STK32B: variants seen among roughly 807,000 people sequenced by gnomAD.
The protein encoded by STK32B is serine/threonine kinase 32B.
In STK32B, 43 loss-of-function variants were observed where a neutral mutation model predicts 52.6. The ratio of observed to expected loss-of-function variants is 0.82; its 90% confidence interval spans 0.64 to 1.05. The LOEUF is 1.05. Ranked by LOEUF, STK32B falls within the 50% of genes least tolerant of loss-of-function variation. The probability of loss-of-function intolerance (pLI) is 0.00; values close to 1 mark genes in which losing one functional copy is unlikely to be tolerated. For missense variants in STK32B, 621 were observed against 534.6 expected (o/e 1.16, Z -1.59); for synonymous variants, 238 against 204.3 (o/e 1.17, Z -1.41).
At chr4:5,445,088 C>T (rs1328012353) in intron 6 of STK32B, among the ~76,000 whole-genome samples, 6 of 152,192 alleles carry the variant, frequency 3.9e-5, no homozygotes, top group African/African-American at 2.4e-5. Context: ...CCTCTTCATA[C>T]TGCTGGCCCT....
chr4:5,477,208 T>TATC (rs1270465526), intron 11 of STK32B, among the ~76,000 whole-genome samples: 2 of 152,084 alleles, frequency 1.3e-5, no homozygotes, highest in Admixed American at 6.5e-5. Flanking sequence ...TGGCTATTAT[T>TATC]ATCAGTGAGG....
At chr4:5,191,880 C>T (rs1329871746) in intron 3 of STK32B, among the ~76,000 whole-genome samples, 2 of 152,220 alleles carry the variant, frequency 1.3e-5, no homozygotes, top group African/African-American at 4.8e-5. Flanking sequence ...TCCATATTAA[C>T]TACTGTGCTC....
At chr4:5,228,342 A>G (rs987421788) in intron 3 of STK32B, among the ~76,000 whole-genome samples, 2 of 152,304 alleles carry the variant, frequency 1.3e-5, no homozygotes, top group Middle Eastern at 3.4e-3. Flanking sequence ...CTATATGTCA[A>G]TATCATTGGA....
At chr4:5,032,800 C>T in the STK32B span, among the ~76,000 whole-genome samples, 51 of 152,296 alleles carry the variant, frequency 3.3e-4, no homozygotes, top group African/African-American at 8.4e-4. Flanking sequence ...CCCCACTCCT[C>T]GCTCCCTCCA....
chr4:5,367,644 C>G (rs1340822292), intron 4 of STK32B, among the ~76,000 whole-genome samples: 1 of 152,208 alleles, frequency 6.6e-6, no homozygotes, highest in Non-Finnish European at 1.5e-5. Context: ...CTGCTGAGTA[C>G]AGGTCAACTT....
At position 5,446,727 on chromosome 4, in the gene STK32B, T is replaced by A; in HGVS notation, c.617T>A (p.Val206Asp). ...AGAGGCCCCGGATACTCGTACCCTG[T>A]CGACTGGTGGTCCCTGGGCATCACA... ...MDRGPGYSYPVDWWSLGITAY... is the reference protein window; with the variant it reads ...MDRGPGYSYPDDWWSLGITAY... The change falls in exon 7 of 12, where the codon GTC becomes GAC. Residue 206 changes from valine to aspartate, a missense_variant. Val to Asp is a radical substitution (Grantham distance 152). Coordinates refer to ENST00000282908, the MANE Select transcript of STK32B (RefSeq NM_018401.3). The A allele has an allele frequency of 6.2e-7, 1 of 1,614,124 alleles. No homozygotes were observed. Among genetic ancestry groups the A allele is most frequent in the Non-Finnish European group, 8.5e-7 (1 of 1,180,020 alleles).
intron 3 of STK32B, among the ~76,000 whole-genome samples, chr4:5,325,826 G>A (rs986525970): frequency 3.3e-5 from 5 of 152,098 alleles, no homozygotes; most frequent in African/African-American, 1.2e-4. Flanking sequence ...ACTATTATGA[G>A]AATATAATTC....
At chr4:5,449,386 G>T (rs1026807903) in intron 7 of STK32B, among the ~76,000 whole-genome samples, 1 of 152,172 alleles carries the variant, frequency 6.6e-6, no homozygotes, top group Admixed American at 6.5e-5. Context: ...GTTGTTCTAG[G>T]ATCTTAAAGT....
At chr4:5,241,461 T>C (rs1314405711) in intron 3 of STK32B, among the ~76,000 whole-genome samples, 1 of 152,236 alleles carries the variant, frequency 6.6e-6, no homozygotes, top group Non-Finnish European at 1.5e-5. Flanking sequence ...AGGGCAACTT[T>C]ACATAAATTG....
chr4:5,365,007 C>G (rs1306666938), intron 4 of STK32B, among the ~76,000 whole-genome samples: 1 of 152,162 alleles, frequency 6.6e-6, no homozygotes, highest in Non-Finnish European at 1.5e-5. Flanking sequence ...TCCCGAGTAG[C>G]TGGGATTACA....
intron 4 of STK32B, among the ~76,000 whole-genome samples, chr4:5,346,233 T>G (rs1202707376): frequency 1.3e-5 from 2 of 152,206 alleles, no homozygotes; most frequent in Non-Finnish European, 2.9e-5. Flanking sequence ...GGACAAGAAT[T>G]ATACCAAGTA....
chr4:5,440,770 A>G (rs892504999), intron 6 of STK32B, among the ~76,000 whole-genome samples: 1 of 152,108 alleles, frequency 6.6e-6, no homozygotes, highest in African/African-American at 2.4e-5. Flanking sequence ...TTATTTTGAA[A>G]TATGTCCCAT....
intron 4 of STK32B, among the ~76,000 whole-genome samples, chr4:5,343,491 G>A (rs534036947): frequency 6.6e-6 from 1 of 152,146 alleles, no homozygotes; most frequent in South Asian, 2.1e-4. Flanking sequence ...GGGTCAAATG[G>A]TATTTCTAGT....
At chr4:5,111,481 G>A (rs1049279154) in intron 1 of STK32B, among the ~76,000 whole-genome samples, 2 of 152,120 alleles carry the variant, frequency 1.3e-5, no homozygotes, top group Non-Finnish European at 2.9e-5. Context: ...GATGGAGCTG[G>A]AGGCTGTTAT....
chr4:5,107,128 G>A (rs375978915), intron 1 of STK32B, among the ~76,000 whole-genome samples: 5 of 151,974 alleles, frequency 3.3e-5, no homozygotes, highest in Admixed American at 6.6e-5. Context: ...CATTAGCTCC[G>A]GCATTAGATT....
intron 11 of STK32B, among the ~76,000 whole-genome samples, chr4:5,490,817 T>C (rs539161123): frequency 2.6e-5 from 4 of 152,188 alleles, no homozygotes; most frequent in African/African-American, 9.6e-5. Context: ...AGTGAGAATA[T>C]GCGGTGTTTG....
intron 6 of STK32B, 52 bp from the exon 7 acceptor site, chr4:5,446,615 GGGTGGT>G (rs1376068966): frequency 2.5e-5 from 37 of 1,468,828 alleles, no homozygotes. Flanking sequence ...CCTCTCTAAG[GGGTGGT>G]GGCCATAAAC....
intron 3 of STK32B, among the ~76,000 whole-genome samples, chr4:5,186,412 T>G (rs1361559230): frequency 6.6e-6 from 1 of 152,200 alleles, no homozygotes; most frequent in Admixed American, 6.5e-5. Flanking sequence ...GCCCCTGACA[T>G]GCCAAATGCT....
intron 1 of STK32B, among the ~76,000 whole-genome samples, chr4:5,086,608 A>G (rs1440091047): frequency 7.2e-5 from 11 of 152,242 alleles, no homozygotes; most frequent in Admixed American, 6.5e-4. Flanking sequence ...TACACTTCCA[A>G]GAAGCTCAGT....
Sources: allele counts gnomAD v4.1 joint callset (sites outside exome capture counted in the v4.1 genomes callset), GRCh38; gene constraint gnomAD v4.1.1; transcripts MANE v1.5; gene names NCBI Gene and HGNC (gene_info 2026-07-23, HGNC 2026-07-21).